ABI1: variants seen among roughly 807,000 people sequenced by gnomAD.
ABI1 encodes abl interactor 1, also known as Abelson interactor 1.
A neutral mutation model predicts 54.6 loss-of-function variants in ABI1; 14 were observed. The ratio of observed to expected loss-of-function variants is 0.26; its 90% CI spans 0.17 to 0.40. The LOEUF (loss-of-function observed/expected upper bound fraction) is 0.40, where lower values mean the gene tolerates loss of function less well. Among genes scored for constraint, ABI1 ranks in the 10% least tolerant of loss-of-function variants. The pLI is 1.00. For synonymous variants in ABI1, 194 were observed against 209.3 expected (o/e 0.93, Z 0.63); for missense variants, 443 against 598.3 (o/e 0.74, Z 2.71).
At chr10:26,838,147 C>T (rs1055233364) in intron 1 of ABI1, among the ~76,000 whole-genome samples, 1 of 150,754 alleles carries the variant, frequency 6.6e-6, no homozygotes, top group Non-Finnish European at 1.5e-5. Flanking sequence ...CCTCAGCCTC[C>T]TGAGTAGCTA....
chr10:26,748,846 T>C (rs569995035), intron 10 of ABI1, 101 bp from the exon 11 acceptor site: 3 of 840,500 alleles, frequency 3.6e-6, no homozygotes, highest in South Asian at 3.8e-5. Context: ...AGCAAAACTA[T>C]TTTTATGAAG....
chr10:26,843,940 T>G (rs757228091), intron 1 of ABI1, among the ~76,000 whole-genome samples: 3 of 152,220 alleles, frequency 2.0e-5, no homozygotes, highest in Admixed American at 1.3e-4. Context: ...TTTCTGTTGA[T>G]TATGCCAAAC....
chr10:26,768,552 A>G (rs980764236), intron 6 of ABI1, among the ~76,000 whole-genome samples: 1 of 152,100 alleles, frequency 6.6e-6, no homozygotes, highest in Non-Finnish European at 1.5e-5. Flanking sequence ...AAAAAAAAGA[A>G]AAAAATTCTT....
chr10:26,846,754 C>G (rs1014842177), intron 1 of ABI1, among the ~76,000 whole-genome samples: 2 of 152,186 alleles, frequency 1.3e-5, no homozygotes, highest in Admixed American at 1.3e-4. Flanking sequence ...CTCTGAAGTA[C>G]ACAAGTGTGT....
chr10:26,761,616 T>C (rs34860810), intron 7 of ABI1, among the ~76,000 whole-genome samples: 6 of 56,590 alleles, frequency 1.1e-4, no homozygotes, highest in Non-Finnish European at 1.3e-4. Flanking sequence ...ATAGTTTTTG[T>C]CATATATATA....
intron 2 of ABI1, among the ~76,000 whole-genome samples, chr10:26,816,888 C>T (rs545952485): frequency 7.2e-5 from 11 of 152,136 alleles, no homozygotes; most frequent in East Asian, 1.9e-4. Flanking sequence ...ACTGCCTATA[C>T]ATAAAATGTA....
chr10:26,749,359 G>C (rs1837329182), intron 10 of ABI1, among the ~76,000 whole-genome samples: 1 of 152,212 alleles, frequency 6.6e-6, no homozygotes, highest in Middle Eastern at 3.4e-3. Flanking sequence ...GAAATGCCTG[G>C]GATCAGAACT....
rs377466843 is a variant in ABI1 at position 26,836,987 on chromosome 10, T to C, written c.118-13682A>G. Among the ~76,000 whole-genome samples, 5 of 152,302 alleles carry C rather than the reference T, an allele frequency of 3.3e-5. No homozygotes were observed. The East Asian group carries it at 7.7e-4, about 24-fold the overall frequency. On this transcript the variant is annotated intron_variant, in intron 1 of 10. Transcript: ENST00000376140. ...CAGACAAAAGATCTACTAAAGTAAT[T>C]CTCAAATTACTGAGGCTGTTTTCTA...
Position 26,771,078 on chromosome 10 carries a change from G to A in ABI1, c.474C>T (p.Ala158=). The part of the protein sequence containing the change: ...DVGHGVKWLK[A]KHGNNQPART... ...AATGATAAGTAATGGCTCTTACCTT[G>A]GCTTTTAGCCACTTTACGTTGGCAA... Residue 158 remains alanine, a synonymous_variant, in exon 4 of 11, where the codon GCC becomes GCT. Coordinates refer to ENST00000376140, the MANE Select transcript of ABI1 (RefSeq NM_001012750.3). 6.2e-7 allele frequency: 1 copy of A among 1,613,562 alleles called. No individual in the cohort carries two copies. The highest frequency in any genetic ancestry group is 8.5e-7 in the Non-Finnish European group (1 of 1,179,700).
At chr10:26,824,788 G>C (rs1564545874) in intron 1 of ABI1, among the ~76,000 whole-genome samples, 1 of 152,068 alleles carries the variant, frequency 6.6e-6, no homozygotes, top group Non-Finnish European at 1.5e-5. Flanking sequence ...AATCCCTTAA[G>C]CATATCTTGT....
intron 3 of ABI1, among the ~76,000 whole-genome samples, chr10:26,771,712 T>A (rs1448120444): frequency 2.0e-5 from 3 of 152,174 alleles, no homozygotes; most frequent in Non-Finnish European, 4.4e-5. Context: ...GAAAACTCTC[T>A]CATTCCTAGC....
In ABI1 at chr10:26,818,631, CA is replaced by C. The variant is rs376157276; in HGVS notation, c.285+4506del. 3.5e-3 allele frequency among the ~76,000 whole-genome samples: 253 copies of C among 73,086 alleles called. 1 individual carries two copies. The highest frequency in any genetic ancestry group is 6.2e-3 in the East Asian group (15 of 2,416). The allele number at this position is 73,086 out of a possible 152,430, so 47.9% of individuals were successfully genotyped here. On this transcript the variant is annotated intron_variant, in intron 2 of 10. Coordinates refer to ENST00000376140, the MANE Select transcript of ABI1 (RefSeq NM_001012750.3). ...TGGACAACAAAGCGAGACCCCGTCACAAAAAAAAAAAAAAAAAAGAGCAAAG... is the reference window on the plus strand; with the variant it reads ...TGGACAACAAAGCGAGACCCCGTCACAAAAAAAAAAAAAAAAAGAGCAAAG...
At chr10:26,837,883 G>A (rs967014255) in intron 1 of ABI1, among the ~76,000 whole-genome samples, 2 of 151,340 alleles carry the variant, frequency 1.3e-5, no homozygotes, top group Admixed American at 6.6e-5. Flanking sequence ...CCAAAGTGCT[G>A]AGATTAGAGG....
chr10:26,846,285 A>C (rs9334169), intron 1 of ABI1, among the ~76,000 whole-genome samples: 151,073 of 151,988 alleles, frequency 0.99, 75,087 homozygotes, highest in Middle Eastern at 1. Flanking sequence ...ACAAGAGTAA[A>C]CTTCATAAAA....
intron 8 of ABI1, 43 bp from the exon 9 acceptor site, chr10:26,755,784 G>A: frequency 6.8e-6 from 9 of 1,332,562 alleles, no homozygotes; most frequent in South Asian, 2.6e-5. Context: ...AACAGATAAA[G>A]GAAAGAAAAG....
chr10:26,849,074 T>C (rs1252070675), intron 1 of ABI1, among the ~76,000 whole-genome samples: 2 of 152,204 alleles, frequency 1.3e-5, no homozygotes, highest in Non-Finnish European at 2.9e-5. Context: ...ATCCCAAATG[T>C]TGTCTAGTGT....
chr10:26,860,155 C>A lies in ABI1; in HGVS notation c.117+592G>T, dbSNP rs1398956438. On this transcript the variant is annotated intron_variant, in intron 1 of 10. Coordinates refer to ENST00000376140, the MANE Select transcript of ABI1 (RefSeq NM_001012750.3). This position sits in a 1 kb window ranked among gnomAD's most constrained non-coding sequence, Gnocchi z 4.1. Reference sequence around the variant, plus strand: ...GAGGTCGGTGTAATGTGACTCATGACAAATTTTTTTTAAATAAATAAATAA... The same window carrying A: ...GAGGTCGGTGTAATGTGACTCATGAAAAATTTTTTTTAAATAAATAAATAA... Among the ~76,000 whole-genome samples, 1 of 152,084 alleles carries A rather than the reference C, an allele frequency of 6.6e-6. No homozygotes were observed. Among genetic ancestry groups the A allele is most frequent in the Non-Finnish European group, 1.5e-5 (1 of 68,002 alleles).
At chr10:26,792,531 T>C (rs768405548) in intron 2 of ABI1, among the ~76,000 whole-genome samples, 11 of 152,242 alleles carry the variant, frequency 7.2e-5, no homozygotes, top group Admixed American at 3.3e-4. Flanking sequence ...TAAAAGTAAG[T>C]TGAACTCTAC....
At chr10:26,810,665 T>G (rs542668243) in intron 2 of ABI1, among the ~76,000 whole-genome samples, 2 of 152,110 alleles carry the variant, frequency 1.3e-5, no homozygotes, top group Non-Finnish European at 2.9e-5. Context: ...AATAAAACTT[T>G]ATTTATAAAA....
Sources: allele counts gnomAD v4.1 joint callset (sites outside exome capture counted in the v4.1 genomes callset), GRCh38; gene constraint gnomAD v4.1.1; non-coding constraint Gnocchi (gnomAD v3.1); transcripts MANE v1.5; gene names NCBI Gene and HGNC (gene_info 2026-07-23, HGNC 2026-07-21).